The following KLHL20 variants were observed in gnomAD, a reference collection of about 807,000 sequenced individuals.
KLHL20 encodes the protein kelch-like protein 20.
KLHL20 carries 29 observed loss-of-function variants against 69.5 expected under a neutral mutation model. That is an observed-to-expected ratio of 0.42 (90% CI 0.31 to 0.57). The LOEUF is 0.57. Among genes scored for constraint, KLHL20 ranks in the 20% least tolerant of loss-of-function variants. KLHL20 has a pLI of 0.18. For synonymous variants in KLHL20, 253 were observed against 265.2 expected, an observed-to-expected ratio of 0.95 and a Z score of 0.45; for missense variants, 419 against 776.0, an observed-to-expected ratio of 0.54 and a Z score of 5.47.
rs1321896215 is a variant in KLHL20 at position 173,733,714 on chromosome 1, T to C, written c.25T>C (p.Cys9Arg). The C allele has an allele frequency of 6.2e-7, 1 of 1,610,344 alleles. No individual in the cohort carries two copies. Among genetic ancestry groups the C allele is most frequent in the African/African-American group, 1.3e-5 (1 of 74,904 alleles). The change falls in exon 3 of 12, where the codon TGT (cysteine) becomes CGT (arginine). Residue 9 changes from cysteine (C) to arginine (R), a missense_variant and splice_region_variant. Coordinates refer to ENST00000209884, the MANE Select transcript of KLHL20 (RefSeq NM_014458.4). MEGKPMRRCTNIRPGETGM... is the reference protein window; with the variant it reads MEGKPMRRRTNIRPGETGM... ...CTCTCTCCCCCATCATTCCTATAGG[T>C]GTACCAACATTCGACCAGGAGAGAC...
At chr1:173,784,193 C>T (rs554942538) in intron 11 of KLHL20, among the ~76,000 whole-genome samples, 8 of 152,230 alleles carry the variant, frequency 5.3e-5, no homozygotes, top group African/African-American at 1.9e-4. Context: ...AATATCAAAG[C>T]AGGGGAGGGG....
intron 2 of KLHL20, among the ~76,000 whole-genome samples, chr1:173,727,241 C>T (rs937324941): frequency 4.0e-5 from 6 of 151,154 alleles, no homozygotes; most frequent in African/African-American, 7.3e-5. Context: ...CAAGAAATAT[C>T]GGAGTATGTG....
At chr1:173,721,888 G>A (rs1450685475) in intron 2 of KLHL20, among the ~76,000 whole-genome samples, 2 of 152,182 alleles carry the variant, frequency 1.3e-5, no homozygotes, top group Non-Finnish European at 2.9e-5. Flanking sequence ...ATGAGGGTCA[G>A]TGCAACTGAA....
intron 2 of KLHL20, among the ~76,000 whole-genome samples, chr1:173,726,614 C>T (rs1187408568): frequency 6.6e-6 from 1 of 152,192 alleles, no homozygotes; most frequent in Non-Finnish European, 1.5e-5. Flanking sequence ...TCTGCAGCCT[C>T]CGCAGCTGAT....
intron 10 of KLHL20, among the ~76,000 whole-genome samples, chr1:173,777,537 A>G (rs1648550395): frequency 6.6e-6 from 1 of 152,150 alleles, no homozygotes. Flanking sequence ...AAATGATGCT[A>G]TCTGTGGGTC....
intron 3 of KLHL20, among the ~76,000 whole-genome samples, chr1:173,746,031 G>A (rs1394400425): frequency 2.0e-5 from 3 of 151,830 alleles, no homozygotes; most frequent in African/African-American, 4.8e-5. Flanking sequence ...GAGCAGTGTT[G>A]AATTTTGTCA....
At chr1:173,784,975 G>A (rs936852661) in intron 11 of KLHL20, among the ~76,000 whole-genome samples, 188 bp from the exon 12 acceptor site, 10 of 152,180 alleles carry the variant, frequency 6.6e-5, no homozygotes, top group Admixed American at 2.6e-4. Flanking sequence ...AAACAGTCCT[G>A]CTACTCAACA....
In KLHL20 at chr1:173,767,357, A is replaced by T. The variant is rs769450096; in HGVS notation, c.1295+1068A>T. 1.1e-4 allele frequency among the ~76,000 whole-genome samples: 16 copies of T among 152,294 alleles called. No homozygotes were observed. In the Middle Eastern group the frequency reaches 0.01, roughly 97 times the overall value. ...TAAATAATGCTGCAATGAATATGAGAGTACAGGTATCTCTTCAACATACTT... is the reference window on the plus strand; with the variant it reads ...TAAATAATGCTGCAATGAATATGAGTGTACAGGTATCTCTTCAACATACTT... On this transcript the variant is annotated intron_variant, in intron 8 of 11. Transcript: ENST00000209884.
chr1:173,768,530 A>G (rs1018817622), intron 8 of KLHL20, among the ~76,000 whole-genome samples: 2 of 152,112 alleles, frequency 1.3e-5, no homozygotes, highest in Non-Finnish European at 2.9e-5. Context: ...CAAGAAATCT[A>G]TTTTTTCACT....
At chr1:173,753,113 C>T in intron 4 of KLHL20, 100 bp from the exon 5 acceptor site, 2 of 885,958 alleles carry the variant, frequency 2.3e-6, no homozygotes, top group Non-Finnish European at 3.6e-6. Context: ...ATTGAGGCTG[C>T]AGTGACCTAC....
intron 10 of KLHL20, among the ~76,000 whole-genome samples, chr1:173,780,021 C>T (rs372505109): frequency 2.6e-5 from 4 of 152,096 alleles, no homozygotes; most frequent in South Asian, 2.1e-4. Context: ...AGGAGTTCAT[C>T]GAGACATCCA....
intron 2 of KLHL20, among the ~76,000 whole-genome samples, chr1:173,724,086 A>G (rs886908541): frequency 1.1e-4 from 17 of 152,160 alleles, no homozygotes; most frequent in African/African-American, 2.7e-4. Flanking sequence ...TATCACCGCA[A>G]TCAAGGTTCT....
intron 2 of KLHL20, among the ~76,000 whole-genome samples, chr1:173,718,322 T>G (rs557984948): frequency 6.6e-6 from 1 of 151,642 alleles, no homozygotes; most frequent in Non-Finnish European, 1.5e-5. Context: ...GCTGATCCCT[T>G]GAGCCCAAGA....
Position 173,785,366 on chromosome 1 carries a change from A to G in KLHL20, c.*119A>G, listed in dbSNP as rs965897959. The G allele has an allele frequency of 2.9e-5, 15 of 525,672 alleles. No homozygotes were observed. Among genetic ancestry groups the G allele is most frequent in the African/African-American group, 2.8e-4 (14 of 50,308 alleles). 32.6% of individuals were successfully genotyped at this position (525,672 alleles called of 1,614,324 possible). A position where few individuals can be genotyped will look rare whatever the true frequency, so the allele number is the denominator to read the frequency against. ...TTTATTATTTGCCGGTGCCTCAACA[A>G]ATGGAAATACAATCCAATGAAAGTA... On this transcript the variant is annotated 3_prime_UTR_variant, in exon 12 of 12. Transcript: ENST00000209884.
At chr1:173,723,894 C>T (rs1469596065) in intron 2 of KLHL20, among the ~76,000 whole-genome samples, 1 of 152,178 alleles carries the variant, frequency 6.6e-6, no homozygotes, top group East Asian at 1.9e-4. Context: ...TTTACAACAA[C>T]AACCTTTGTA....
In KLHL20 at chr1:173,734,052, A is replaced by G. The variant is rs372090279; in HGVS notation, c.363A>G (p.Leu121=). 3.1e-6 allele frequency: 5 copies of G among 1,614,088 alleles called. No individual in the cohort carries two copies. The highest frequency in any genetic ancestry group is 1.7e-5 in the Admixed American group (1 of 59,996). Residue 121 remains leucine (L), a synonymous_variant, in exon 3 of 12, where the codon TTA becomes TTG. Coordinates refer to ENST00000209884, the MANE Select transcript of KLHL20 (RefSeq NM_014458.4). ...ACATTGACGAGAGGGCTATGGAATT[A>G]CTGATTGACTTTGCGTATACCTCCC... ...IRDIDERAME[L]LIDFAYTSQI...
intron 7 of KLHL20, among the ~76,000 whole-genome samples, chr1:173,764,711 T>G (rs1416999995): frequency 2.0e-5 from 3 of 151,992 alleles, no homozygotes; most frequent in Non-Finnish European, 2.9e-5. Flanking sequence ...TACAGTGGAC[T>G]TTGGGGACTT....
chr1:173,750,993 C>T (rs1430136791), intron 3 of KLHL20, among the ~76,000 whole-genome samples: 2 of 152,180 alleles, frequency 1.3e-5, no homozygotes, highest in African/African-American at 4.8e-5. Context: ...ATTAGAGGTA[C>T]TGCCTGCACT....
chr1:173,757,946 G>T (rs1433362551), intron 7 of KLHL20, among the ~76,000 whole-genome samples: 1 of 152,180 alleles, frequency 6.6e-6, no homozygotes, highest in Non-Finnish European at 1.5e-5. Flanking sequence ...AAGCTGTGTT[G>T]ATTAACAGTG....
Sources: gnomAD v4.1 joint callset for allele counts (sites outside exome capture counted in the v4.1 genomes callset) on GRCh38, gnomAD v4.1.1 for gene constraint, MANE v1.5 for transcripts, NCBI Gene and HGNC (gene_info 2026-07-23, HGNC 2026-07-21) for gene names.